EIF3M: variants seen among roughly 807,000 people sequenced by gnomAD.
EIF3M encodes the protein eukaryotic translation initiation factor 3 subunit M.
Under a neutral mutation model 49.7 loss-of-function variants are expected in EIF3M, and 25 were observed. The observed-to-expected ratio is 0.50, with a 90% confidence interval of 0.37 to 0.70. The LOEUF (loss-of-function observed/expected upper bound fraction) is 0.70, where lower values mean the gene tolerates loss of function less well. Among genes scored for constraint, EIF3M ranks in the 30% least tolerant of loss-of-function variants. The pLI, the probability that EIF3M is intolerant of heterozygous loss-of-function variation, is 0.00. For synonymous variants in EIF3M, 156 were observed against 149.8 expected (o/e 1.04, Z -0.30); for missense variants, 350 against 440.0 (o/e 0.80, Z 1.83).
Position 32,605,361 on chromosome 11 carries a change from CAA to C in EIF3M, c.*2965_*2966del, listed in dbSNP as rs930090227. ...ATTTATCTGATTGGCTTTGTTCTTC[CAA>C]AAGTGTCTGCACAGGACTGCTAAGA... On this transcript the variant is annotated 3_prime_UTR_variant, in exon 11 of 11. Transcript: ENST00000531120. The C allele has an allele frequency of 1.3e-5, 2 of 151,936 alleles. No individual in the cohort carries two copies. Among genetic ancestry groups the C allele is most frequent in the African/African-American group, 2.4e-5 (1 of 41,342 alleles). The allele number at this position is 151,936 out of a possible 1,614,324, so 9.4% of individuals were successfully genotyped here.
chr11:32,588,538 T>G (rs932654211), intron 2 of EIF3M, 56 bp from the exon 3 acceptor site: 25 of 1,575,180 alleles, frequency 1.6e-5, no homozygotes, highest in Non-Finnish European at 2.1e-5. Flanking sequence ...CATATTTAAC[T>G]AGACGCATTG....
intron 1 of EIF3M, among the ~76,000 whole-genome samples, chr11:32,585,230 C>A (rs1292194629): frequency 6.6e-6 from 1 of 151,774 alleles, no homozygotes; most frequent in Non-Finnish European, 1.5e-5. Context: ...CAAAAAGATA[C>A]CTGATTAGAA....
intron 6 of EIF3M, chr11:32,594,169 C>A (rs772290112): frequency 5.9e-6 from 2 of 338,332 alleles, no homozygotes; most frequent in Non-Finnish European, 1.1e-5. Context: ...GTTTACCTGG[C>A]GGGGGGGGTA....
chr11:32,604,947 G>C lies in EIF3M; in HGVS notation c.*2548G>C, dbSNP rs1261690717. On this transcript the variant is annotated 3_prime_UTR_variant, in exon 11 of 11. Transcript: ENST00000531120. ...AGCTCACTGCAACCTCCACCTCCCA[G>C]GTTCAAGCGATTCTTCTGCCTCAGC... The C allele has an allele frequency of 6.6e-6, 1 of 152,222 alleles. No homozygotes were observed. 9.4% of individuals were successfully genotyped at this position (152,222 alleles called of 1,614,324 possible).
At chr11:32,590,220 A>G (rs1855078934) in intron 5 of EIF3M, among the ~76,000 whole-genome samples, 1 of 152,234 alleles carries the variant, frequency 6.6e-6, no homozygotes, top group South Asian at 2.1e-4. Flanking sequence ...ATATGTGGAC[A>G]TTATATGAAA....
chr11:32,598,934 T>A (rs997591846), intron 8 of EIF3M, among the ~76,000 whole-genome samples: 1 of 152,136 alleles, frequency 6.6e-6, no homozygotes, highest in Non-Finnish European at 1.5e-5. Flanking sequence ...ATTCCTTCAT[T>A]TGCCTTACGT....
rs892686770 is a variant in EIF3M, at chr11:32,601,943, T to C, written c.1004+121T>C. ...CTTGACTGTAGTTAAATAGTTGCTA[T>C]TTATCATAATTTTATTAAAGTTCAG... On this transcript the variant is annotated intron_variant, in intron 10 of 10. Transcript: ENST00000531120. The C allele has an allele frequency of 3.8e-6, 4 of 1,040,956 alleles. No individual in the cohort carries two copies. The African/African-American group carries it at 6.5e-5, about 17-fold the overall frequency. 64.5% of individuals were successfully genotyped at this position (1,040,956 alleles called of 1,614,324 possible).
chr11:32,584,169 G>T, intron 1 of EIF3M: 1 of 581,266 alleles, frequency 1.7e-6, no homozygotes, highest in South Asian at 2.1e-5. Flanking sequence ...TCGGCGTCGG[G>T]ACTCATTTCT....
chr11:32,602,241 A>G, intron 10 of EIF3M, 38 bp from the exon 11 acceptor site: 1 of 1,594,412 alleles, frequency 6.3e-7, no homozygotes, highest in South Asian at 1.2e-5. Context: ...AGAGGCTAAA[A>G]GGTTGACTAA....
At chr11:32,590,387 C>T (rs939439426) in intron 5 of EIF3M, among the ~76,000 whole-genome samples, 2 of 152,166 alleles carry the variant, frequency 1.3e-5, no homozygotes, top group Non-Finnish European at 2.9e-5. Context: ...GAACGTTTGC[C>T]TACCCCTTGT....
At chr11:32,601,587 C>T (rs1855266264) in intron 9 of EIF3M, 175 bp from the exon 10 acceptor site, 1 of 525,332 alleles carries the variant, frequency 1.9e-6, no homozygotes, top group East Asian at 3.1e-5. Context: ...AGGACAAATG[C>T]ATGACCTTTC....
At chr11:32,589,218 C>A in intron 4 of EIF3M, 83 bp downstream of exon 4, 1 of 1,559,774 alleles carries the variant, frequency 6.4e-7, no homozygotes, top group South Asian at 1.2e-5. Flanking sequence ...CTGTTGTTGC[C>A]CAGGCTGGAG....
At position 32,594,659 on chromosome 11, in the gene EIF3M, C is replaced by G. The variant is rs562531155; in HGVS notation, c.618-255C>G. On this transcript the variant is annotated intron_variant, in intron 6 of 10. Coordinates refer to ENST00000531120, the MANE Select transcript of EIF3M (RefSeq NM_006360.6). ...TGGCATGTGGTTCTGCTGCTGCTTACTATTTGATTACCTTGGTGCTTTCTC... is the reference window on the plus strand; with the variant it reads ...TGGCATGTGGTTCTGCTGCTGCTTAGTATTTGATTACCTTGGTGCTTTCTC... 1.6e-4 allele frequency: 51 copies of G among 317,966 alleles called. No individual in the cohort carries two copies. The South Asian group carries it at 2.6e-3, about 16-fold the overall frequency. The allele number at this position is 317,966 out of a possible 1,614,324, so 19.7% of individuals were successfully genotyped here.
chr11:32,588,860 G>T (rs1049742952), intron 3 of EIF3M, 128 bp downstream of exon 3: 1 of 1,545,108 alleles, frequency 6.5e-7, no homozygotes, highest in Non-Finnish European at 8.7e-7. Context: ...TGTGACCTTG[G>T]GCAAGTGGCT....
chr11:32,583,879 G>C lies in EIF3M; in HGVS notation c.-9G>C, dbSNP rs1854946070. 1.9e-6 allele frequency: 3 copies of C among 1,613,562 alleles called. No homozygotes were observed. The highest frequency in any genetic ancestry group is 2.5e-6 in the Non-Finnish European group (3 of 1,179,756). On this transcript the variant is annotated 5_prime_UTR_variant, in exon 1 of 11. Transcript: ENST00000531120. ...CGAGTGGAGTGTCCGCTGTGCCCGG[G>C]CCTGCACCATGAGCGTCCCGGCCTT...
intron 5 of EIF3M, among the ~76,000 whole-genome samples, chr11:32,593,567 C>T (rs1210435428): frequency 1.3e-5 from 2 of 152,200 alleles, no homozygotes; most frequent in Non-Finnish European, 2.9e-5. Flanking sequence ...GCTTACTTGC[C>T]ATCTCTTCTG....
At position 32,604,434 on chromosome 11, in the gene EIF3M, G is replaced by A. The variant is rs1276049293; in HGVS notation, c.*2035G>A. 2 of 152,094 alleles carry A rather than the reference G, an allele frequency of 1.3e-5. No homozygotes were observed. Among genetic ancestry groups the A allele is most frequent in the African/African-American group, 4.8e-5 (2 of 41,414 alleles). 9.4% of individuals were successfully genotyped at this position (152,094 alleles called of 1,614,324 possible). On this transcript the variant is annotated 3_prime_UTR_variant, in exon 11 of 11. Transcript: ENST00000531120. ...TGTTTTAGTTGAAAGGGATATACAC[G>A]TGTATTTTAGAAATATGAAACAGGA...
At chr11:32,592,184 GT>G in intron 5 of EIF3M, 1 of 352,388 alleles carries the variant, frequency 2.8e-6, no homozygotes, top group East Asian at 7.3e-5. Context: ...CATCTCCAAA[GT>G]TTCCTCCACA....
chr11:32,593,997 T>C (rs770663253), intron 6 of EIF3M, 48 bp downstream of exon 6: 1 of 1,239,092 alleles, frequency 8.1e-7, no homozygotes, highest in Non-Finnish European at 1.1e-6. Context: ...GATGTAGAGG[T>C]AAGCTACAAT....
Sources: allele counts gnomAD v4.1 joint callset (sites outside exome capture counted in the v4.1 genomes callset), GRCh38; gene constraint gnomAD v4.1.1; transcripts MANE v1.5; gene names NCBI Gene and HGNC (gene_info 2026-07-23, HGNC 2026-07-21).